The following SLC30A7 variants were observed in gnomAD, a reference collection of about 807,000 sequenced individuals.
SLC30A7 encodes the protein zinc transporter 7.
In SLC30A7, 35 loss-of-function variants were observed where a neutral mutation model predicts 46.0. That is an observed-to-expected ratio of 0.76 (90% CI 0.58 to 1.01). SLC30A7 has a LOEUF of 1.01. Ranked by LOEUF, SLC30A7 falls within the 50% of genes least tolerant of loss-of-function variation. The probability of loss-of-function intolerance (pLI) is 0.00; values close to 1 mark genes in which losing one functional copy is unlikely to be tolerated. For synonymous variants in SLC30A7, 147 were observed against 157.8 expected (o/e 0.93, Z 0.51); for missense variants, 464 against 451.1 (o/e 1.03, Z -0.26).
chr1:100,929,728 C>T (rs1490387286), intron 8 of SLC30A7, among the ~76,000 whole-genome samples: 1 of 149,114 alleles, frequency 6.7e-6, no homozygotes, highest in Non-Finnish European at 1.5e-5. Flanking sequence ...TTTTTTTTTT[C>T]AACATTTTCT....
At position 100,933,249 on chromosome 1, in the gene SLC30A7, C is replaced by T. The variant is rs186163623; in HGVS notation, c.842+11408C>T. Among the ~76,000 whole-genome samples the T allele has an allele frequency of 6.4e-3, 972 of 152,196 alleles. 10 individuals carry two copies. Among genetic ancestry groups the T allele is most frequent in the African/African-American group, 0.022 (899 of 41,522 alleles). On this transcript the variant is annotated intron_variant, in intron 8 of 10. Coordinates refer to ENST00000357650, the MANE Select transcript of SLC30A7 (RefSeq NM_133496.5). ...TCAGCCTCCCAAAGTGCTGGGATTA[C>T]AGGTGTGAGCCACCGTGCCTGGCCA...
rs1373945679 is a variant in SLC30A7 at position 100,942,977 on chromosome 1, GT to G, written c.843-18850del. The stretch of plus-strand genomic sequence containing the variant: ...AACAGTGGTTACAGTTCCCTGTTAC[GT>G]GACTGAGGTCCTATAATCACATTCC... On this transcript the variant is annotated intron_variant, in intron 8 of 10. Transcript: ENST00000357650. 5.3e-5 allele frequency among the ~76,000 whole-genome samples: 8 copies of G among 152,286 alleles called. No homozygotes were observed. The East Asian group carries it at 1.5e-3, about 29-fold the overall frequency.
chr1:100,964,204 C>T (rs1165609992), intron 9 of SLC30A7, among the ~76,000 whole-genome samples: 1 of 119,358 alleles, frequency 8.4e-6, no homozygotes, highest in Non-Finnish European at 1.8e-5. Flanking sequence ...TAGCATCAAT[C>T]AGCATAATTG....
At chr1:100,937,614 A>G (rs761918214) in intron 8 of SLC30A7, among the ~76,000 whole-genome samples, 2 of 152,104 alleles carry the variant, frequency 1.3e-5, no homozygotes, top group Non-Finnish European at 2.9e-5. Context: ...CATTTTGTAT[A>G]TCTTTGGGAA....
intron 8 of SLC30A7, among the ~76,000 whole-genome samples, chr1:100,947,560 C>G (rs1242585702): frequency 6.6e-6 from 1 of 152,166 alleles, no homozygotes; most frequent in Non-Finnish European, 1.5e-5. Context: ...CTGTAGATGT[C>G]TGTTAATTTC....
chr1:100,960,629 C>T (rs1270670888), intron 8 of SLC30A7, among the ~76,000 whole-genome samples: 1 of 152,178 alleles, frequency 6.6e-6, no homozygotes, highest in Non-Finnish European at 1.5e-5. Flanking sequence ...TCTTCACCTA[C>T]AGCTATTATC....
At chr1:100,950,924 C>T (rs761901515) in intron 8 of SLC30A7, among the ~76,000 whole-genome samples, 30 of 152,112 alleles carry the variant, frequency 2.0e-4, no homozygotes, top group Admixed American at 3.9e-4. Flanking sequence ...AGGGAAGGAG[C>T]CAGCATCGGG....
At chr1:100,918,151 T>C (rs750203509) in intron 7 of SLC30A7, 24 bp downstream of exon 7, 11 of 1,602,724 alleles carry the variant, frequency 6.9e-6, no homozygotes, top group South Asian at 4.5e-5. Context: ...TTTTTATGTT[T>C]CTTAGTTTTT....
In SLC30A7 at chr1:100,980,468, A is replaced by C. The variant is rs1656859349; in HGVS notation, c.*5611A>C. The C allele has an allele frequency of 6.6e-6, 1 of 152,108 alleles. No homozygotes were observed. Among genetic ancestry groups the C allele is most frequent in the African/African-American group, 2.4e-5 (1 of 41,456 alleles). The allele number at this position is 152,108 out of a possible 1,614,324, so 9.4% of individuals were successfully genotyped here. A position where few individuals can be genotyped will look rare whatever the true frequency, so the allele number is the denominator to read the frequency against. On this transcript the variant is annotated 3_prime_UTR_variant, in exon 11 of 11. Coordinates refer to ENST00000357650, the MANE Select transcript of SLC30A7 (RefSeq NM_133496.5). ...AATAAAGAATATCTTTCTCTTCTGC[A>C]TCCTTTTATCCTCAAACTTAGCATG...
chr1:100,994,980 T>C, the SLC30A7 span: 1 of 617,932 alleles, frequency 1.6e-6, no homozygotes. Context: ...AGAATAAAAA[T>C]GCTTAATGTT....
chr1:100,911,614 G>T lies in SLC30A7; in HGVS notation c.384+464G>T, dbSNP rs567089750. Among the ~76,000 whole-genome samples the T allele has an allele frequency of 6.3e-4, 96 of 152,208 alleles. 1 individual carries two copies. The South Asian group carries it at 8.5e-3, about 13-fold the overall frequency. Reference sequence around the variant, plus strand: ...TGCCCAAGCTGGAGTGCAGTGGCGCGATCTCGGCTTACTGCAACTTGCGCC... The same window carrying T: ...TGCCCAAGCTGGAGTGCAGTGGCGCTATCTCGGCTTACTGCAACTTGCGCC... On this transcript the variant is annotated intron_variant, in intron 4 of 10. Coordinates refer to ENST00000357650, the MANE Select transcript of SLC30A7 (RefSeq NM_133496.5).
intron 8 of SLC30A7, among the ~76,000 whole-genome samples, chr1:100,927,081 G>A (rs551478159): frequency 1.3e-5 from 2 of 152,332 alleles, no homozygotes; most frequent in East Asian, 3.9e-4. Context: ...AGCGCAATGA[G>A]CAGGGCAGAG....
At chr1:100,991,632 C>T in the SLC30A7 span, among the ~76,000 whole-genome samples, 2 of 151,398 alleles carry the variant, frequency 1.3e-5, no homozygotes, top group South Asian at 2.1e-4. Flanking sequence ...ACCAAAAATA[C>T]AAAAAAATTA....
At chr1:100,939,261 A>G (rs559928936) in intron 8 of SLC30A7, among the ~76,000 whole-genome samples, 1 of 152,318 alleles carries the variant, frequency 6.6e-6, no homozygotes, top group Non-Finnish European at 1.5e-5. Context: ...TGCCAAGTGT[A>G]TAATTATATG....
At chr1:100,940,616 T>C (rs1189622333) in intron 8 of SLC30A7, among the ~76,000 whole-genome samples, 1 of 152,202 alleles carries the variant, frequency 6.6e-6, no homozygotes, top group African/African-American at 2.4e-5. Flanking sequence ...AAGTATAAGT[T>C]TATTTAAGTT....
rs67182429 is a variant in SLC30A7 at position 100,979,436 on chromosome 1, C to CAAAAAAAA, written c.*4594_*4601dup. The CAAAAAAAA allele has an allele frequency of 8.8e-5, 8 of 90,572 alleles. No homozygotes were observed. The highest frequency in any genetic ancestry group is 1.3e-4 in the Non-Finnish European group (6 of 45,622). 5.6% of individuals were successfully genotyped at this position (90,572 alleles called of 1,614,324 possible). On this transcript the variant is annotated 3_prime_UTR_variant, in exon 11 of 11. Transcript: ENST00000357650. Reference sequence around the variant, plus strand: ...CAAATACAGTGAAAGATTATGTATCCAAAAAAAAAAAAAAAAAAAAAAGAA... The same window carrying CAAAAAAAA: ...CAAATACAGTGAAAGATTATGTATCCAAAAAAAAAAAAAAAAAAAAAAAAAAAAAAGAA...
intron 8 of SLC30A7, among the ~76,000 whole-genome samples, chr1:100,926,492 G>A (rs866738027): frequency 4.3e-4 from 66 of 152,094 alleles, no homozygotes; most frequent in African/African-American, 1.5e-3. Flanking sequence ...CTATTGTGAA[G>A]ACAGCACCAA....
chr1:100,928,391 T>C (rs1653449915), intron 8 of SLC30A7, among the ~76,000 whole-genome samples: 3 of 152,194 alleles, frequency 2.0e-5, no homozygotes, highest in African/African-American at 7.2e-5. Context: ...AGGTAGAGCA[T>C]GAACATGCTA....
At chr1:100,990,452 T>C in the SLC30A7 span, 1 of 1,614,174 alleles carries the variant, frequency 6.2e-7, no homozygotes, top group Non-Finnish European at 8.5e-7. Context: ...TTTTCTGGTA[T>C]GGAAAACAGA....
Sources: gnomAD v4.1 joint callset for allele counts (sites outside exome capture counted in the v4.1 genomes callset) on GRCh38, gnomAD v4.1.1 for gene constraint, MANE v1.5 for transcripts, NCBI Gene and HGNC (gene_info 2026-07-23, HGNC 2026-07-21) for gene names.